The following CHCHD3 variants were observed in gnomAD, a reference collection of about 807,000 sequenced individuals.
CHCHD3 encodes the protein coiled-coil-helix-coiled-coil-helix domain containing 3.
CHCHD3 carries 20 observed loss-of-function variants against 38.2 expected under a neutral mutation model. That is an observed-to-expected ratio of 0.52 (90% CI 0.37 to 0.76). The LOEUF is 0.76. Among genes scored for constraint, CHCHD3 ranks in the 30% least tolerant of loss-of-function variants. CHCHD3 has a pLI of 0.00. For synonymous variants in CHCHD3, 82 were observed against 100.0 expected, an observed-to-expected ratio of 0.82 and a Z score of 1.07; for missense variants, 245 against 279.2, an observed-to-expected ratio of 0.88 and a Z score of 0.87.
At chr7:132,997,411 C>T (rs752963571) in intron 3 of CHCHD3, among the ~76,000 whole-genome samples, 90 of 152,092 alleles carry the variant, frequency 5.9e-4, no homozygotes, top group Non-Finnish European at 4.4e-4. Flanking sequence ...ATTTCACCTA[C>T]TTCAGATAAA....
intron 2 of CHCHD3, among the ~76,000 whole-genome samples, chr7:133,062,021 T>G (rs1814532710): frequency 2.6e-5 from 4 of 151,958 alleles, no homozygotes; most frequent in Admixed American, 2.6e-4. Context: ...ACTATAGGAG[T>G]GACTCTGAAT....
At chr7:132,983,331 A>G (rs1382197697) in intron 3 of CHCHD3, among the ~76,000 whole-genome samples, 4 of 152,220 alleles carry the variant, frequency 2.6e-5, no homozygotes, top group Non-Finnish European at 5.9e-5. Context: ...TCAAACAAAA[A>G]GTTAAAATGT....
chr7:133,049,920 A>T (rs1584672191), intron 2 of CHCHD3, among the ~76,000 whole-genome samples: 1 of 152,168 alleles, frequency 6.6e-6, no homozygotes, highest in Non-Finnish European at 1.5e-5. Flanking sequence ...GCTACATGCC[A>T]TTGCTTCTAA....
chr7:132,898,168 G>C lies in CHCHD3; in HGVS notation c.370-12423C>G, dbSNP rs1467795938. ...GTGTGGACCCAAAGAGTGAGCAGTA[G>C]CAAGATTTATTGCAGAGAGCCAAAG... On this transcript the variant is annotated intron_variant, in intron 4 of 7. Transcript: ENST00000262570. 4.0e-4 allele frequency among the ~76,000 whole-genome samples: 61 copies of C among 152,154 alleles called. 1 individual carries two copies. The highest frequency in any genetic ancestry group is 4.0e-3 in the Admixed American group (61 of 15,280).
intron 2 of CHCHD3, among the ~76,000 whole-genome samples, chr7:133,049,945 C>T (rs1437901069): frequency 6.6e-6 from 1 of 152,132 alleles, no homozygotes; most frequent in East Asian, 1.9e-4. Context: ...CACATTTATT[C>T]GTCTCTGATA....
At chr7:132,955,186 G>C (rs920319864) in intron 4 of CHCHD3, among the ~76,000 whole-genome samples, 1 of 150,034 alleles carries the variant, frequency 6.7e-6, no homozygotes, top group East Asian at 2.0e-4. Flanking sequence ...GTGTGTGTGT[G>C]TGTGTGTGTG....
chr7:132,960,664 A>C (rs1474336287), intron 4 of CHCHD3, among the ~76,000 whole-genome samples: 2 of 152,100 alleles, frequency 1.3e-5, no homozygotes, highest in Non-Finnish European at 2.9e-5. Context: ...AAAACAGAAG[A>C]TCTAATGGTC....
intron 6 of CHCHD3, chr7:132,815,463 TA>T: frequency 2.3e-6 from 1 of 427,268 alleles, no homozygotes; most frequent in Non-Finnish European, 4.6e-6. Context: ...CAGTTGTTCT[TA>T]CTCTGATTAC....
At chr7:132,936,520 T>C (rs1810636396) in intron 4 of CHCHD3, among the ~76,000 whole-genome samples, 2 of 152,186 alleles carry the variant, frequency 1.3e-5, no homozygotes, top group African/African-American at 4.8e-5. Flanking sequence ...CTGAATGTCT[T>C]CCTACAACTT....
chr7:132,864,837 C>T (rs77016163), intron 5 of CHCHD3, among the ~76,000 whole-genome samples: 7,598 of 152,160 alleles, frequency 0.05, 233 homozygotes, highest in East Asian at 0.11. Context: ...CAACACATTG[C>T]AAAGACCCTA....
chr7:132,962,384 T>G (rs1485095421), intron 4 of CHCHD3, among the ~76,000 whole-genome samples: 1 of 152,164 alleles, frequency 6.6e-6, no homozygotes. Flanking sequence ...GGTAAGAGAC[T>G]TGAAAGAGAA....
intron 2 of CHCHD3, among the ~76,000 whole-genome samples, chr7:133,056,134 A>C (rs1814324089): frequency 6.6e-6 from 1 of 151,924 alleles, no homozygotes; most frequent in African/African-American, 2.4e-5. Flanking sequence ...GTAACAGAGC[A>C]AGACTATGCC....
intron 3 of CHCHD3, among the ~76,000 whole-genome samples, chr7:133,002,885 T>C (rs1230733040): frequency 1.3e-5 from 2 of 152,184 alleles, no homozygotes; most frequent in East Asian, 3.8e-4. Context: ...TAAATAGCAA[T>C]TGAGCAAAAA....
intron 5 of CHCHD3, among the ~76,000 whole-genome samples, chr7:132,875,183 C>T (rs146754555): frequency 4.7e-4 from 72 of 152,240 alleles, no homozygotes; most frequent in African/African-American, 1.7e-3. Context: ...ATGCAGCATC[C>T]TCATCCTGGA....
intron 3 of CHCHD3, among the ~76,000 whole-genome samples, chr7:133,016,654 G>A (rs931977227): frequency 6.6e-5 from 10 of 152,184 alleles, no homozygotes; most frequent in African/African-American, 1.9e-4. Flanking sequence ...TTACAACTGT[G>A]TTGCCCACAT....
At chr7:132,841,919 A>T (rs938296924) in intron 5 of CHCHD3, among the ~76,000 whole-genome samples, 1 of 151,918 alleles carries the variant, frequency 6.6e-6, no homozygotes, top group South Asian at 2.1e-4. Context: ...AACATGGTGA[A>T]ACCCAGTCTC....
chr7:132,925,563 G>C (rs891840729), intron 4 of CHCHD3, among the ~76,000 whole-genome samples: 2 of 152,154 alleles, frequency 1.3e-5, no homozygotes, highest in East Asian at 1.9e-4. Context: ...TACACCTTCA[G>C]GACAGTAATG....
At chr7:132,990,943 G>GACACACACACACACACACACACACACAC (rs1201876742) in intron 3 of CHCHD3, among the ~76,000 whole-genome samples, 2 of 79,424 alleles carry the variant, frequency 2.5e-5, no homozygotes, top group African/African-American at 1.0e-4. Flanking sequence ...CCCCTACACA[G>GACACACACACACACACACACACACACAC]ACACACATAC....
At chr7:133,042,784 T>C (rs1371298554) in intron 2 of CHCHD3, among the ~76,000 whole-genome samples, 1 of 152,266 alleles carries the variant, frequency 6.6e-6, no homozygotes, top group Non-Finnish European at 1.5e-5. Flanking sequence ...GTTACATAAG[T>C]GATTTTACTT....
Sources: allele counts gnomAD v4.1 joint callset (sites outside exome capture counted in the v4.1 genomes callset), GRCh38; gene constraint gnomAD v4.1.1; transcripts MANE v1.5; gene names NCBI Gene and HGNC (gene_info 2026-07-23, HGNC 2026-07-21).